The following OR2M3 variants were observed in gnomAD, a reference collection of about 807,000 sequenced individuals.
OR2M3 encodes olfactory receptor 2M3.
OR2M3 carries 1 observed loss-of-function variant against 4.3 expected under a neutral mutation model. The ratio of observed to expected loss-of-function variants is 0.23; its 90% CI spans 0.08 to 1.11. OR2M3 has a LOEUF of 1.11. OR2M3 is among the 50% of genes most tolerant of loss of function. The pLI is 0.54. For synonymous variants in OR2M3, 151 were observed against 139.4 expected (o/e 1.08, Z -0.59); for missense variants, 410 against 390.4 (o/e 1.05, Z -0.42).
intron 1 of OR2M3, among the ~76,000 whole-genome samples, chr1:248,200,856 A>G (rs2103013246): frequency 6.6e-6 from 1 of 152,156 alleles, no homozygotes; most frequent in African/African-American, 2.4e-5. Flanking sequence ...AAAAAGTTTT[A>G]TCTCAACTCA....
rs1383167346 is a variant in OR2M3 at position 248,203,042 on chromosome 1, G to A, written c.-18-8G>A. 5 of 1,582,864 alleles carry A rather than the reference G, an allele frequency of 3.2e-6. No homozygotes were observed. The Admixed American group carries it at 8.8e-5, about 28-fold the overall frequency. ...TACCAAATTAATACGCTGGTTTTGT[G>A]GTACTAGGTAAAAAGCATACACATC... is the stretch of plus-strand genomic sequence containing the variant. On this transcript the variant is annotated splice_polypyrimidine_tract_variant and splice_region_variant and intron_variant, in intron 1 of 1. Transcript: ENST00000641626.
In OR2M3 at chr1:248,204,247, T is replaced by C; in HGVS notation, c.*241T>C. 2.9e-6 allele frequency: 1 copy of C among 349,942 alleles called. No homozygotes were observed. Among genetic ancestry groups the C allele is most frequent in the Non-Finnish European group, 5.1e-6 (1 of 197,254 alleles). The allele number at this position is 349,942 out of a possible 1,614,324, so 21.7% of individuals were successfully genotyped here. ...AAGAATATTAAAGTTTTAAAAATTA[T>C]TTTTAATTTCCATAGGTTTTTGGAG... On this transcript the variant is annotated 3_prime_UTR_variant, in exon 2 of 2. Transcript: ENST00000641626.
rs1666231377 is a variant in OR2M3, at chr1:248,207,098, A to T, written c.*3092A>T. ...CAGGTTTTTTAGTTTATCTGCACAA[A>T]GGTGTTCATAGTAGCCTTGATTAAT... is the stretch of plus-strand genomic sequence containing the variant. On this transcript the variant is annotated 3_prime_UTR_variant, in exon 2 of 2. Coordinates refer to ENST00000641626, the MANE Select transcript of OR2M3 (RefSeq NM_001004689.2). The T allele has an allele frequency of 6.6e-6, 1 of 152,020 alleles. No individual in the cohort carries two copies. The highest frequency in any genetic ancestry group is 6.6e-5 in the Admixed American group (1 of 15,236). 9.4% of individuals were successfully genotyped at this position (152,020 alleles called of 1,614,324 possible). A position where few individuals can be genotyped will look rare whatever the true frequency, so the allele number is the denominator to read the frequency against.
Position 248,203,511 on chromosome 1 carries a change from C to T in OR2M3, c.444C>T (p.Ser148=). The T allele has an allele frequency of 6.2e-7, 1 of 1,613,814 alleles. No homozygotes were observed. The change falls in exon 2 of 2, where the codon TCC becomes TCT. Residue 148 remains serine (S), a synonymous_variant. Coordinates refer to ENST00000641626, the MANE Select transcript of OR2M3 (RefSeq NM_001004689.2). ...PKICGLMTAF[S]WILGSTDGII... ...TTTGTGGACTTATGACTGCCTTTTC[C>T]TGGATCCTGGGCTCTACGGATGGAA...
In OR2M3 at chr1:248,211,693, T is replaced by G. The variant is rs1195160811; in HGVS notation, c.*7687T>G. 1 of 152,072 alleles carries G rather than the reference T, an allele frequency of 6.6e-6. No individual in the cohort carries two copies. The highest frequency in any genetic ancestry group is 1.5e-5 in the Non-Finnish European group (1 of 68,014). 9.4% of individuals were successfully genotyped at this position (152,072 alleles called of 1,614,324 possible). A position where few individuals can be genotyped will look rare whatever the true frequency, so the allele number is the denominator to read the frequency against. On this transcript the variant is annotated 3_prime_UTR_variant, in exon 2 of 2. Coordinates refer to ENST00000641626, the MANE Select transcript of OR2M3 (RefSeq NM_001004689.2). The stretch of plus-strand genomic sequence containing the variant: ...GGGCCTGCTAATCTCTCAGGGCCCA[T>G]GCGAAATCTATCTCAATCAAAAGTG...
At position 248,204,131 on chromosome 1, in the gene OR2M3, C is replaced by A; in HGVS notation, c.*125C>A. 1.3e-6 allele frequency: 1 copy of A among 786,782 alleles called. No individual in the cohort carries two copies. The highest frequency in any genetic ancestry group is 1.7e-5 in the African/African-American group (1 of 57,300). The allele number at this position is 786,782 out of a possible 1,614,324, so 48.7% of individuals were successfully genotyped here. ...AAATCTGCAATGACATATTTATGTG[C>A]ACCTATATAATTTATTTCAGATAAA... On this transcript the variant is annotated 3_prime_UTR_variant, in exon 2 of 2. Coordinates refer to ENST00000641626, the MANE Select transcript of OR2M3 (RefSeq NM_001004689.2).
At position 248,203,888 on chromosome 1, in the gene OR2M3, T is replaced by C. The variant is rs766403949; in HGVS notation, c.821T>C (p.Val274Ala). 16 of 1,613,740 alleles carry C rather than the reference T, an allele frequency of 9.9e-6. No individual in the cohort carries two copies. In the African/African-American group the frequency reaches 2.0e-4, roughly 20 times the overall value. The change falls in exon 2 of 2, where the codon GTG becomes GCG. Residue 274 changes from valine to alanine, a missense_variant. Coordinates refer to ENST00000641626, the MANE Select transcript of OR2M3 (RefSeq NM_001004689.2). ...SDRSPTQDKM[V>A]SVFYTILTPM... ...CGCTCCCCAACACAGGACAAGATGGTGTCTGTATTCTACACCATCCTCACT... is the reference window on the plus strand; with the variant it reads ...CGCTCCCCAACACAGGACAAGATGGCGTCTGTATTCTACACCATCCTCACT...
intron 1 of OR2M3, among the ~76,000 whole-genome samples, chr1:248,200,371 TC>T (rs1666142630): frequency 2.0e-5 from 3 of 152,086 alleles, no homozygotes. Context: ...ACAAAGTCTT[TC>T]CCCCTGATTG....
At chr1:248,200,174 T>C (rs1666141045) in intron 1 of OR2M3, among the ~76,000 whole-genome samples, 1 of 152,138 alleles carries the variant, frequency 6.6e-6, no homozygotes, top group Admixed American at 6.6e-5. Context: ...AGAAAAATTA[T>C]GGTGGAACTT....
intron 1 of OR2M3, among the ~76,000 whole-genome samples, chr1:248,202,145 G>A (rs1332968260): frequency 6.6e-6 from 1 of 152,114 alleles, no homozygotes; most frequent in Non-Finnish European, 1.5e-5. Context: ...ACCAGGGTTG[G>A]TTACTTCTGA....
rs150021662 is a variant in OR2M3, at chr1:248,199,139, T to C, written c.-19+1838T>C. Among the ~76,000 whole-genome samples, 545 of 148,660 alleles carry C rather than the reference T, an allele frequency of 3.7e-3. 3 individuals carry two copies. Among genetic ancestry groups the C allele is most frequent in the African/African-American group, 0.012 (499 of 41,284 alleles). ...AATGAAGTTTATTACAAAAGAAACA[T>C]AGTAGATTAGATGAAATAAATAAAA... is the stretch of plus-strand genomic sequence containing the variant. On this transcript the variant is annotated intron_variant, in intron 1 of 1. Transcript: ENST00000641626.
chr1:248,198,203 T>G (rs1407130990), intron 1 of OR2M3, among the ~76,000 whole-genome samples: 2 of 152,186 alleles, frequency 1.3e-5, no homozygotes, highest in East Asian at 3.8e-4. Flanking sequence ...TAACTCTCTC[T>G]GATTATATAA....
intron 1 of OR2M3, among the ~76,000 whole-genome samples, chr1:248,202,684 G>T (rs1163205416): frequency 1.3e-5 from 2 of 151,850 alleles, no homozygotes; most frequent in Non-Finnish European, 1.5e-5. Context: ...GTCACATGCT[G>T]ACTGAAGCTG....
chr1:248,212,892 AT>A lies in OR2M3; in HGVS notation c.*8888del, dbSNP rs1666296263. 3 of 151,974 alleles carry A rather than the reference AT, an allele frequency of 2.0e-5. No homozygotes were observed. In the South Asian group the frequency reaches 6.2e-4, roughly 32 times the overall value. The allele number at this position is 151,974 out of a possible 1,614,324, so 9.4% of individuals were successfully genotyped here. A position where few individuals can be genotyped will look rare whatever the true frequency, so the allele number is the denominator to read the frequency against. On this transcript the variant is annotated 3_prime_UTR_variant, in exon 2 of 2. Transcript: ENST00000641626. ...ACATGTTTTTACATCATTTTGTTTT[AT>A]TCATATTATAAAGGATTATATATCT...
In OR2M3 at chr1:248,212,406, A is replaced by T. The variant is rs1231682662; in HGVS notation, c.*8400A>T. Reference sequence around the variant, plus strand: ...ATCACTTGGCCAAATAAGGAAAATAAATTTTGTAAAACCTGCTTCTAAATA... The same window carrying T: ...ATCACTTGGCCAAATAAGGAAAATATATTTTGTAAAACCTGCTTCTAAATA... On this transcript the variant is annotated 3_prime_UTR_variant, in exon 2 of 2. Transcript: ENST00000641626. 6.6e-6 allele frequency: 1 copy of T among 152,030 alleles called. No homozygotes were observed. The highest frequency in any genetic ancestry group is 2.4e-5 in the African/African-American group (1 of 41,430). The allele number at this position is 152,030 out of a possible 1,614,324, so 9.4% of individuals were successfully genotyped here.
In OR2M3 at chr1:248,206,463, A is replaced by G. The variant is rs1666225064; in HGVS notation, c.*2457A>G. 2 of 151,918 alleles carry G rather than the reference A, an allele frequency of 1.3e-5. 1 individual carries two copies. Among genetic ancestry groups the G allele is most frequent in the South Asian group, 4.1e-4 (2 of 4,824 alleles). 9.4% of individuals were successfully genotyped at this position (151,918 alleles called of 1,614,324 possible). A position where few individuals can be genotyped will look rare whatever the true frequency, so the allele number is the denominator to read the frequency against. On this transcript the variant is annotated 3_prime_UTR_variant, in exon 2 of 2. Coordinates refer to ENST00000641626, the MANE Select transcript of OR2M3 (RefSeq NM_001004689.2). ...CTCATAGAAGGCTTTGATTACCTTA[A>G]CGTCACCTCTATGTCCCTTCGTGTT...
In OR2M3 at chr1:248,205,531, C is replaced by T. The variant is rs1435368115; in HGVS notation, c.*1525C>T. 1 of 152,018 alleles carries T rather than the reference C, an allele frequency of 6.6e-6. No homozygotes were observed. The allele number at this position is 152,018 out of a possible 1,614,324, so 9.4% of individuals were successfully genotyped here. On this transcript the variant is annotated 3_prime_UTR_variant, in exon 2 of 2. Coordinates refer to ENST00000641626, the MANE Select transcript of OR2M3 (RefSeq NM_001004689.2). ...ATGTGGCCTGTCAGTTAGCCCAGCACCATTTGTTGAATATGGTGTTCTTTC... is the reference window on the plus strand; with the variant it reads ...ATGTGGCCTGTCAGTTAGCCCAGCATCATTTGTTGAATATGGTGTTCTTTC...
At position 248,207,016 on chromosome 1, in the gene OR2M3, A is replaced by G. The variant is rs1464694093; in HGVS notation, c.*3010A>G. 1 of 151,682 alleles carries G rather than the reference A, an allele frequency of 6.6e-6. No individual in the cohort carries two copies. The highest frequency in any genetic ancestry group is 1.9e-4 in the East Asian group (1 of 5,186). 9.4% of individuals were successfully genotyped at this position (151,682 alleles called of 1,614,324 possible). ...TTACTGGTCTGATCAGAGATTCTATATCTTCCTTTTTTAATCCAGGAGGGT... is the reference window on the plus strand; with the variant it reads ...TTACTGGTCTGATCAGAGATTCTATGTCTTCCTTTTTTAATCCAGGAGGGT... On this transcript the variant is annotated 3_prime_UTR_variant, in exon 2 of 2. Coordinates refer to ENST00000641626, the MANE Select transcript of OR2M3 (RefSeq NM_001004689.2).
rs1039790557 is a variant in OR2M3 at position 248,206,105 on chromosome 1, T to C, written c.*2099T>C. ...AGTTCTTGATTTGATTCTCAGCTGG[T>C]TGCCATTAGTATATAGCAGAGCTAC... On this transcript the variant is annotated 3_prime_UTR_variant, in exon 2 of 2. Transcript: ENST00000641626. The C allele has an allele frequency of 6.6e-6, 1 of 152,004 alleles. No homozygotes were observed. Among genetic ancestry groups the C allele is most frequent in the African/African-American group, 2.4e-5 (1 of 41,420 alleles). 9.4% of individuals were successfully genotyped at this position (152,004 alleles called of 1,614,324 possible). A position where few individuals can be genotyped will look rare whatever the true frequency, so the allele number is the denominator to read the frequency against.
Sources: gnomAD v4.1 joint callset for allele counts (sites outside exome capture counted in the v4.1 genomes callset) on GRCh38, gnomAD v4.1.1 for gene constraint, MANE v1.5 for transcripts, NCBI Gene and HGNC (gene_info 2026-07-23, HGNC 2026-07-21) for gene names.